PADI4: variants seen among roughly 807,000 people sequenced by gnomAD.
The protein encoded by PADI4 is peptidyl arginine deiminase 4.
A neutral mutation model predicts 75.0 loss-of-function variants in PADI4; 62 were observed. The observed-to-expected ratio is 0.83, with a 90% CI of 0.67 to 1.02. The LOEUF is 1.02. PADI4 is among the 50% of genes least tolerant of loss of function. PADI4 has a pLI of 0.00. For missense variants in PADI4, 845 were observed against 850.5 expected (o/e 0.99, Z 0.08); for synonymous variants, 361 against 348.1 (o/e 1.04, Z -0.41).
intron 3 of PADI4, chr1:17,334,800 C>G (rs940688661): frequency 2.8e-6 from 1 of 353,062 alleles, no homozygotes; most frequent in African/African-American, 2.1e-5. Context: ...TAAACTTGAC[C>G]TCATTTTGAA....
chr1:17,313,480 G>A (rs1184278496), intron 1 of PADI4, among the ~76,000 whole-genome samples: 2 of 109,136 alleles, frequency 1.8e-5, no homozygotes, highest in Admixed American at 2.8e-4. Flanking sequence ...CAGCCTGGGC[G>A]ACAGTGCAAG....
chr1:17,313,844 T>A (rs78966846), intron 1 of PADI4, among the ~76,000 whole-genome samples: 2,005 of 152,264 alleles, frequency 0.013, 57 homozygotes, highest in African/African-American at 0.046. Flanking sequence ...CTCTGGATGG[T>A]CTTATGATAA....
intron 8 of PADI4, among the ~76,000 whole-genome samples, chr1:17,342,705 T>C (rs2074445393): frequency 6.6e-6 from 1 of 152,194 alleles, no homozygotes. Flanking sequence ...CTGGGCACGG[T>C]GGCTCACGCC....
chr1:17,345,893 A>T (rs2074506435), intron 8 of PADI4, 135 bp from the exon 9 acceptor site: 2 of 613,962 alleles, frequency 3.3e-6, no homozygotes, highest in Non-Finnish European at 5.9e-6. Context: ...TGCTAAGAGC[A>T]GATGGACCGG....
rs1030031581 is a variant in PADI4 at position 17,354,643 on chromosome 1, A to G, written c.1266A>G (p.Glu422=). The change falls in exon 11 of 16, where the codon GAA becomes GAG. Residue 422 remains glutamate (E), a synonymous_variant. Transcript: ENST00000375448. ...VSPPVTVRGK[E]YPLGRILFGD... is the part of the protein sequence containing the mutation. The stretch of plus-strand genomic sequence containing the variant: ...CCCCAGTCACAGTCAGGGGCAAGGA[A>G]TACCCGCTGGGCAGGATTCTCTTCG... 1.9e-6 allele frequency: 3 copies of G among 1,613,746 alleles called. No individual in the cohort carries two copies. The highest frequency in any genetic ancestry group is 2.7e-5 in the African/African-American group (2 of 74,936).
intron 1 of PADI4, among the ~76,000 whole-genome samples, chr1:17,328,878 T>C (rs2074158250): frequency 6.6e-6 from 1 of 151,902 alleles, no homozygotes; most frequent in Admixed American, 6.6e-5. Flanking sequence ...CTTCAGACCA[T>C]TCTTATGACA....
At chr1:17,352,211 A>G (rs12042078) in intron 10 of PADI4, among the ~76,000 whole-genome samples, 1,592 of 97,018 alleles carry the variant, frequency 0.016, 24 homozygotes, top group African/African-American at 0.045. Context: ...GGAGGTGGTA[A>G]GAGGGGTGGT....
intron 1 of PADI4, among the ~76,000 whole-genome samples, chr1:17,324,248 C>T (rs968369525): frequency 7.7e-6 from 1 of 129,616 alleles, no homozygotes; most frequent in African/African-American, 2.9e-5. Context: ...TGTTATTTTT[C>T]ACCAATTGAG....
intron 11 of PADI4, among the ~76,000 whole-genome samples, chr1:17,355,060 G>A (rs954155809): frequency 3.9e-5 from 6 of 152,194 alleles, no homozygotes; most frequent in Non-Finnish European, 8.8e-5. Flanking sequence ...AGAGGGGCAC[G>A]GGAGGAATAG....
chr1:17,355,465 C>T (rs2074743953), intron 11 of PADI4, among the ~76,000 whole-genome samples: 1 of 151,656 alleles, frequency 6.6e-6, no homozygotes, highest in African/African-American at 2.4e-5. Context: ...AAGAGAATCG[C>T]TTGATCCCGG....
intron 1 of PADI4, among the ~76,000 whole-genome samples, chr1:17,310,585 A>G (rs1260881108): frequency 6.6e-6 from 1 of 152,136 alleles, no homozygotes; most frequent in Non-Finnish European, 1.5e-5. Context: ...AGATTGGGCT[A>G]GTGCACTCCA....
At chr1:17,358,931 C>G (rs886408377) in intron 14 of PADI4, 23 bp downstream of exon 14, 1 of 1,529,318 alleles carries the variant, frequency 6.5e-7, no homozygotes, top group East Asian at 2.3e-5. Flanking sequence ...GTGCCTACAC[C>G]CCAGCAGACC....
chr1:17,331,210 C>T, intron 2 of PADI4, 61 bp downstream of exon 2: 1 of 1,415,256 alleles, frequency 7.1e-7, no homozygotes, highest in South Asian at 1.2e-5. Flanking sequence ...GCCACACACA[C>T]TCTGTCCTGC....
At position 17,356,181 on chromosome 1, in the gene PADI4, T is replaced by C; in HGVS notation, c.1455+54T>C. The stretch of plus-strand genomic sequence containing the variant: ...CCATGCCTCCTTCCTGGGTAGACCC[T>C]CTGCCTGGGGTGGGAGCAACTTTAC... On this transcript the variant is annotated intron_variant, in intron 12 of 15. Transcript: ENST00000375448. This position sits in a 1 kb window ranked among gnomAD's most constrained non-coding sequence, Gnocchi z 4.1. 4 of 1,581,422 alleles carry C rather than the reference T, an allele frequency of 2.5e-6. No homozygotes were observed. Among genetic ancestry groups the C allele is most frequent in the Non-Finnish European group, 3.5e-6 (4 of 1,156,174 alleles).
chr1:17,318,806 C>A (rs1234134389), intron 1 of PADI4, among the ~76,000 whole-genome samples: 1 of 151,600 alleles, frequency 6.6e-6, no homozygotes, highest in African/African-American at 2.4e-5. Context: ...TTGCCTCAGC[C>A]TCCCGAGTAG....
chr1:17,335,140 C>T (rs1251688500), intron 3 of PADI4, among the ~76,000 whole-genome samples: 1 of 136,500 alleles, frequency 7.3e-6, no homozygotes, highest in Non-Finnish European at 1.6e-5. Context: ...GTCTCAAAAA[C>T]TAAAAAATAT....
In PADI4 at chr1:17,332,765, C is replaced by G. The variant is rs2074237501; in HGVS notation, c.274-1178C>G. On this transcript the variant is annotated intron_variant, in intron 2 of 15. Transcript: ENST00000375448. ...TTCCCAGCAGAACCAGCCAAGCAGGCTTCTCCCTGGGGGAACACAGAGCTT... is the reference window on the plus strand; with the variant it reads ...TTCCCAGCAGAACCAGCCAAGCAGGGTTCTCCCTGGGGGAACACAGAGCTT... Among the ~76,000 whole-genome samples, 3 of 152,284 alleles carry G rather than the reference C, an allele frequency of 2.0e-5. No homozygotes were observed. The South Asian group carries it at 6.2e-4, about 32-fold the overall frequency.
intron 5 of PADI4, 90 bp from the exon 6 acceptor site, chr1:17,339,598 T>C: frequency 1.4e-6 from 2 of 1,384,882 alleles, no homozygotes; most frequent in Non-Finnish European, 2.0e-6. Context: ...AGCGGTGGGG[T>C]GTGAGGCTCC....
intron 2 of PADI4, among the ~76,000 whole-genome samples, chr1:17,331,913 G>A (rs1373615264): frequency 2.0e-5 from 3 of 152,184 alleles, no homozygotes; most frequent in Non-Finnish European, 2.9e-5. Context: ...GCAAAACTCC[G>A]TCTCAAAAAA....
Sources: gnomAD v4.1 joint callset for allele counts (sites outside exome capture counted in the v4.1 genomes callset) on GRCh38, gnomAD v4.1.1 for gene constraint, Gnocchi (gnomAD v3.1) non-coding constraint, MANE v1.5 for transcripts, NCBI Gene and HGNC (gene_info 2026-07-23, HGNC 2026-07-21) for gene names.